Variants in DDOST observed in about 807,000 individuals in gnomAD.
DDOST encodes the protein dolichyl-diphosphooligosaccharide--protein glycosyltransferase 48 kDa subunit.
A neutral mutation model predicts 47.6 loss-of-function variants in DDOST; 25 were observed. The observed-to-expected ratio is 0.53, with a 90% confidence interval of 0.38 to 0.73. The LOEUF is 0.73. Ranked by LOEUF, DDOST falls within the 30% of genes least tolerant of loss-of-function variation. The probability of loss-of-function intolerance (pLI) is 0.00; values close to 1 mark genes in which losing one functional copy is unlikely to be tolerated. For missense variants in DDOST, 526 were observed against 573.9 expected (o/e 0.92, Z 0.85); for synonymous variants, 275 against 236.0 (o/e 1.17, Z -1.51).
Position 20,655,426 on chromosome 1 carries a change from G to T in DDOST, c.551+14C>A. ...CCCAGGTTTCTGCTGTCCTCTCCCT[G>T]CTCACTCACTCACCCAACACCTCGA... On this transcript the variant is annotated intron_variant, in intron 5 of 10. Coordinates refer to ENST00000602624, the MANE Select transcript of DDOST (RefSeq NM_005216.5). 1 of 1,598,238 alleles carries T rather than the reference G, an allele frequency of 6.3e-7. No individual in the cohort carries two copies. Among genetic ancestry groups the T allele is most frequent in the Non-Finnish European group, 8.6e-7 (1 of 1,167,578 alleles).
chr1:20,655,989 A>C (rs910494918), intron 3 of DDOST, 112 bp downstream of exon 3: 4 of 946,470 alleles, frequency 4.2e-6, no homozygotes, highest in Non-Finnish European at 6.8e-6. Flanking sequence ...TCCCTCACTG[A>C]CTCCCCAGCT....
chr1:20,652,534 G>T lies in DDOST; in HGVS notation c.1171-6C>A, dbSNP rs1287550959. 1 of 1,613,808 alleles carries T rather than the reference G, an allele frequency of 6.2e-7. No homozygotes were observed. Among genetic ancestry groups the T allele is most frequent in the African/African-American group, 1.3e-5 (1 of 74,922 alleles). ...TGGAGTGGCCGCACGGATACCTGCA[G>T]GAGGACAGAGGTGGCAGGACCTGGC... On this transcript the variant is annotated splice_polypyrimidine_tract_variant and splice_region_variant and intron_variant, in intron 10 of 10. Coordinates refer to ENST00000602624, the MANE Select transcript of DDOST (RefSeq NM_005216.5).
rs142402976 is a variant in DDOST at position 20,653,677 on chromosome 1, G to A, written c.892C>T (p.Arg298Trp). ...VLRVGPVSHH[R>W]VGETAPPNAY... ...TTGGGTGGGGCTGTCTCGCCCACCC[G>A]ATGATGGGACACAGGCCCCACACGG... Residue 298 changes from arginine (R) to tryptophan (W), a missense_variant, in exon 8 of 11, where the codon CGG becomes TGG. Physicochemically the swap from Arg to Trp is moderately radical, Grantham distance 101. Transcript: ENST00000602624. 19 of 1,613,556 alleles carry A rather than the reference G, an allele frequency of 1.2e-5. No individual in the cohort carries two copies. The highest frequency in any genetic ancestry group is 1.6e-4 in the Middle Eastern group (1 of 6,082).
At chr1:20,655,587 G>C (rs1219749171) in intron 4 of DDOST, 53 bp from the exon 5 acceptor site, 22 of 1,590,950 alleles carry the variant, frequency 1.4e-5, no homozygotes, top group Non-Finnish European at 1.8e-5. Flanking sequence ...CCCCAAGCCA[G>C]GGAGAACCTC....
intron 3 of DDOST, 77 bp downstream of exon 3, chr1:20,656,024 T>G: frequency 7.8e-7 from 1 of 1,280,606 alleles, no homozygotes; most frequent in Non-Finnish European, 1.1e-6. Flanking sequence ...GAATGCTAAT[T>G]TGGCAGCTTC....
rs139460438 is a variant in DDOST at position 20,653,913 on chromosome 1, G to A, written c.795-139C>T. On this transcript the variant is annotated intron_variant, in intron 7 of 10. Coordinates refer to ENST00000602624, the MANE Select transcript of DDOST (RefSeq NM_005216.5). ...AGGCCTTGGGCACCTAGGGACTCAT[G>A]GTTAAAGGGAACGCAGGAAACAAAC... The A allele has an allele frequency of 6.8e-4, 680 of 1,005,544 alleles. 3 individuals carry two copies. In the East Asian group the frequency reaches 0.011, roughly 17 times the overall value. The allele number at this position is 1,005,544 out of a possible 1,614,324, so 62.3% of individuals were successfully genotyped here.
chr1:20,657,393 G>A (rs749309415), intron 2 of DDOST, among the ~76,000 whole-genome samples: 1 of 152,202 alleles, frequency 6.6e-6, no homozygotes, highest in Non-Finnish European at 1.5e-5. Context: ...ACTAGGGTAC[G>A]AGGGTGAAAG....
intron 3 of DDOST, 97 bp downstream of exon 3, chr1:20,656,004 C>A (rs1171714335): frequency 9.2e-7 from 1 of 1,088,278 alleles, no homozygotes; most frequent in Non-Finnish European, 1.4e-6. Context: ...CCAGCTAAGG[C>A]CCACCCAGTG....
chr1:20,654,417 A>G (rs1463037441), intron 6 of DDOST, 46 bp from the exon 7 acceptor site: 6 of 1,547,080 alleles, frequency 3.9e-6, no homozygotes, highest in Non-Finnish European at 5.3e-6. Context: ...CAAGTAAGGG[A>G]AAAGCTGCCA....
chr1:20,654,731 A>C, intron 5 of DDOST, 24 bp from the exon 6 acceptor site: 3 of 1,512,942 alleles, frequency 2.0e-6, no homozygotes, highest in Non-Finnish European at 2.7e-6. Context: ...AGAGCAGCCC[A>C]GCACTGGCCC....
intron 2 of DDOST, among the ~76,000 whole-genome samples, chr1:20,658,132 T>C (rs145046491): frequency 2.6e-5 from 4 of 152,342 alleles, no homozygotes; most frequent in African/African-American, 9.6e-5. Context: ...CACCTGGAGT[T>C]AAAACTAGGC....
At position 20,660,917 on chromosome 1, in the gene DDOST, A is replaced by G. The variant is rs2053427125; in HGVS notation, c.229T>C (p.Tyr77His). 4 of 1,613,058 alleles carry G rather than the reference A, an allele frequency of 2.5e-6. No individual in the cohort carries two copies. Among genetic ancestry groups the G allele is most frequent in the Admixed American group, 3.3e-5 (2 of 60,006 alleles). Reference sequence around the variant, plus strand: ...GGGGAGAAAATGATGAGATTGTCATAGAGGAATTCCCCATACTTTATGAGA... The same window carrying G: ...GGGGAGAAAATGATGAGATTGTCATGGAGGAATTCCCCATACTTTATGAGA... ...LSLIKYGEFL[Y>H]DNLIIFSPSV... Residue 77 changes from tyrosine to histidine, a missense_variant, in exon 2 of 11, where the codon TAT (tyrosine) becomes CAT (histidine). By Grantham distance (83) the Tyr-to-His change is moderately conservative (BLOSUM62 2). Transcript: ENST00000602624.
Position 20,661,189 on chromosome 1 carries a change from G to C in DDOST, c.154+8C>G, listed in dbSNP as rs1391877876. 1.2e-6 allele frequency: 2 copies of C among 1,612,926 alleles called. No individual in the cohort carries two copies. The highest frequency in any genetic ancestry group is 1.7e-6 in the Non-Finnish European group (2 of 1,179,536). On this transcript the variant is annotated splice_region_variant and intron_variant, in intron 1 of 10. Coordinates refer to ENST00000602624, the MANE Select transcript of DDOST (RefSeq NM_005216.5). ...CCCACACGCTACCCCCTCGGACCCC[G>C]CTCTCACCCTTCAGGCTCCGGAAGA...
At chr1:20,656,442 C>T (rs77858210) in intron 2 of DDOST, among the ~76,000 whole-genome samples, 2,673 of 152,314 alleles carry the variant, frequency 0.018, 73 homozygotes, top group African/African-American at 0.05. Flanking sequence ...GTCAAACATC[C>T]ACTAATTGCA....
chr1:20,658,856 CT>C (rs112536606), intron 2 of DDOST, among the ~76,000 whole-genome samples: 2,860 of 132,710 alleles, frequency 0.022, 56 homozygotes, highest in African/African-American at 0.07. Context: ...TTTCTCTTTT[CT>C]TTTTTTTTTT....
intron 5 of DDOST, among the ~76,000 whole-genome samples, chr1:20,654,969 C>A (rs980855320): frequency 2.6e-5 from 4 of 152,164 alleles, no homozygotes; most frequent in African/African-American, 9.7e-5. Flanking sequence ...AAGCAATTCT[C>A]TTGCATCAGC....
chr1:20,657,061 G>C (rs1398403628), intron 2 of DDOST, among the ~76,000 whole-genome samples: 2 of 152,254 alleles, frequency 1.3e-5, no homozygotes, highest in Non-Finnish European at 2.9e-5. Context: ...GTTTAAGGAA[G>C]ACCTGCAAGT....
rs142593688 is a variant in DDOST, at chr1:20,654,663, G to A, written c.596C>T (p.Thr199Met). The A allele has an allele frequency of 4.5e-4, 703 of 1,564,482 alleles. No homozygotes were observed. The highest frequency in any genetic ancestry group is 7.9e-4 in the Admixed American group (42 of 53,146). Residue 199 changes from threonine (T) to methionine (M), a missense_variant, in exon 6 of 11, where the codon ACG (threonine) becomes ATG (methionine). By Grantham distance (81) the Thr-to-Met change is moderately conservative. Transcript: ENST00000602624. The part of the protein sequence containing the change: ...PDNPLVLDIL[T>M]GSSTSYSFFP... Reference sequence around the variant, plus strand: ...GAAGGAGTAAGAGGTGGAAGAGCCCGTCAGGATGTCCAGCACCAAAGGGTT... The same window carrying A: ...GAAGGAGTAAGAGGTGGAAGAGCCCATCAGGATGTCCAGCACCAAAGGGTT...
chr1:20,653,706 A>T lies in DDOST; in HGVS notation c.863T>A (p.Val288Asp). 3 of 1,614,030 alleles carry T rather than the reference A, an allele frequency of 1.9e-6. No homozygotes were observed. Among genetic ancestry groups the T allele is most frequent in the Non-Finnish European group, 2.5e-6 (3 of 1,179,962 alleles). The change falls in exon 8 of 11, where the codon GTC becomes GAC. Residue 288 changes from valine (V) to aspartate (D), a missense_variant. Transcript: ENST00000602624. ...ATGGGACACAGGCCCCACACGGAGG[A>T]CACCCTCCTCCTTGAACACCCAGCG... ...LSRWVFKEEGVLRVGPVSHHR... is the reference protein window; with the variant it reads ...LSRWVFKEEGDLRVGPVSHHR...
Sources: gnomAD v4.1 joint callset for allele counts (sites outside exome capture counted in the v4.1 genomes callset) on GRCh38, gnomAD v4.1.1 for gene constraint, MANE v1.5 for transcripts, NCBI Gene and HGNC (gene_info 2026-07-23, HGNC 2026-07-21) for gene names.